NKAIN2: variants seen among roughly 807,000 people sequenced by gnomAD.
NKAIN2 encodes the protein sodium/potassium-transporting ATPase subunit beta-1-interacting protein 2.
In NKAIN2, 14 loss-of-function variants were observed where a neutral mutation model predicts 32.6. That is an observed-to-expected ratio of 0.43 (90% CI 0.28 to 0.67). The LOEUF (loss-of-function observed/expected upper bound fraction) is 0.67. Ranked by LOEUF, NKAIN2 falls within the 30% of genes least tolerant of loss-of-function variation. The pLI is 0.17. For synonymous variants in NKAIN2, 80 were observed against 87.2 expected, an observed-to-expected ratio of 0.92 and a Z score of 0.46; for missense variants, 198 against 258.3, an observed-to-expected ratio of 0.77 and a Z score of 1.60.
At chr6:124,629,725 A>C (rs1337627255) in intron 3 of NKAIN2, among the ~76,000 whole-genome samples, 1 of 152,194 alleles carries the variant, frequency 6.6e-6, no homozygotes, top group East Asian at 1.9e-4. Context: ...GCTTTCCAGA[A>C]GCCCATTTTA....
At chr6:123,834,330 T>G (rs1774519779) in intron 1 of NKAIN2, among the ~76,000 whole-genome samples, 1 of 151,950 alleles carries the variant, frequency 6.6e-6, no homozygotes, top group Non-Finnish European at 1.5e-5. Context: ...AATTTTTGTA[T>G]TTTTAGTAGA....
At chr6:124,600,703 C>G (rs1443982124) in intron 3 of NKAIN2, among the ~76,000 whole-genome samples, 2 of 151,950 alleles carry the variant, frequency 1.3e-5, no homozygotes, top group Non-Finnish European at 2.9e-5. Flanking sequence ...TTATTTGTCA[C>G]AGAAAAATGT....
At chr6:123,864,579 A>G (rs1582674331) in intron 1 of NKAIN2, among the ~76,000 whole-genome samples, 1 of 152,182 alleles carries the variant, frequency 6.6e-6, no homozygotes, top group Non-Finnish European at 1.5e-5. Context: ...TAGAGCGGTC[A>G]AGGAAAGTAT....
At chr6:124,170,930 C>G (rs780726520) in intron 1 of NKAIN2, among the ~76,000 whole-genome samples, 5 of 152,124 alleles carry the variant, frequency 3.3e-5, no homozygotes, top group Non-Finnish European at 7.4e-5. Context: ...CAATTCAAAG[C>G]TTACCTTTTC....
intron 3 of NKAIN2, among the ~76,000 whole-genome samples, chr6:124,446,047 C>G (rs979059334): frequency 5.3e-5 from 8 of 152,106 alleles, no homozygotes; most frequent in Non-Finnish European, 5.9e-5. Context: ...ATTTGCAGAA[C>G]AACGGCAGAA....
chr6:124,525,473 T>C (rs1436384646), intron 3 of NKAIN2, among the ~76,000 whole-genome samples: 3 of 152,160 alleles, frequency 2.0e-5, no homozygotes, highest in Admixed American at 6.5e-5. Flanking sequence ...TATATAACTT[T>C]TAATTTAATG....
At chr6:124,410,897 G>A (rs1286409215) in intron 3 of NKAIN2, among the ~76,000 whole-genome samples, 1 of 152,156 alleles carries the variant, frequency 6.6e-6, no homozygotes, top group South Asian at 2.1e-4. Context: ...ATTTAGGATA[G>A]TTAGTTCTTG....
At chr6:124,396,152 G>T (rs539771559) in intron 3 of NKAIN2, among the ~76,000 whole-genome samples, 77 of 152,118 alleles carry the variant, frequency 5.1e-4, no homozygotes, top group African/African-American at 1.8e-3. Context: ...TTAAACAGAT[G>T]AGGTTAAAAA....
At chr6:124,693,028 T>C (rs1774334559) in intron 4 of NKAIN2, among the ~76,000 whole-genome samples, 1 of 152,160 alleles carries the variant, frequency 6.6e-6, no homozygotes. Flanking sequence ...ATCTGGCCAG[T>C]ATTTACACTG....
intron 3 of NKAIN2, among the ~76,000 whole-genome samples, chr6:124,409,542 G>T (rs980125283): frequency 1.7e-4 from 26 of 152,184 alleles, no homozygotes; most frequent in African/African-American, 6.0e-4. Context: ...CAGGGATGAA[G>T]CCCACTTGAT....
At chr6:124,271,300 T>C (rs1019228150) in intron 1 of NKAIN2, among the ~76,000 whole-genome samples, 1 of 152,078 alleles carries the variant, frequency 6.6e-6, no homozygotes, top group Non-Finnish European at 1.5e-5. Context: ...CACTGCAAGC[T>C]CCACCTCCCG....
intron 3 of NKAIN2, among the ~76,000 whole-genome samples, chr6:124,562,904 CT>C (rs34572745): frequency 1.7e-3 from 226 of 131,150 alleles, no homozygotes; most frequent in Middle Eastern, 0.016. Flanking sequence ...TTTTTTGTTT[CT>C]TTTTTTTTTT....
chr6:124,013,321 T>G (rs1490205862), intron 1 of NKAIN2, among the ~76,000 whole-genome samples: 1 of 152,208 alleles, frequency 6.6e-6, no homozygotes, highest in African/African-American at 2.4e-5. Flanking sequence ...GAAGTAAATT[T>G]TATCAATCTT....
chr6:124,208,870 A>C, intron 1 of NKAIN2, among the ~76,000 whole-genome samples: 1 of 151,682 alleles, frequency 6.6e-6, no homozygotes, highest in Non-Finnish European at 1.5e-5. Flanking sequence ...TATGGGGTAT[A>C]TATGATATTT....
intron 4 of NKAIN2, among the ~76,000 whole-genome samples, chr6:124,669,543 T>C (rs1772985207): frequency 6.6e-6 from 1 of 151,960 alleles, no homozygotes; most frequent in African/African-American, 2.4e-5. Context: ...CATGTGGATA[T>C]TTGCGGAAGG....
intron 3 of NKAIN2, among the ~76,000 whole-genome samples, chr6:124,535,238 G>A (rs1382939231): frequency 2.0e-5 from 3 of 152,192 alleles, no homozygotes; most frequent in Non-Finnish European, 4.4e-5. Context: ...TTAAGGCAAG[G>A]ATCATATTCA....
intron 3 of NKAIN2, among the ~76,000 whole-genome samples, chr6:124,642,122 T>C (rs1285139419): frequency 6.6e-6 from 1 of 152,162 alleles, no homozygotes; most frequent in Non-Finnish European, 1.5e-5. Flanking sequence ...CTTCATAATA[T>C]AGTGGAATGA....
chr6:124,144,564 G>T (rs1488965674), intron 1 of NKAIN2, among the ~76,000 whole-genome samples: 1 of 151,912 alleles, frequency 6.6e-6, no homozygotes, highest in Non-Finnish European at 1.5e-5. Flanking sequence ...AAATGGTGCT[G>T]GAACATCCAC....
In NKAIN2 at chr6:123,941,275, AT is replaced by A. The variant is rs539192739; in HGVS notation, c.54+137031del. Among the ~76,000 whole-genome samples the A allele has an allele frequency of 1.2e-3, 183 of 149,294 alleles. No homozygotes were observed. In the East Asian group the frequency reaches 0.015, roughly 12 times the overall value. ...TGCTTGATGCTGTTTTATACTTAAT[AT>A]TTTTTTTTTATTAGTGGAAGGGGTA... On this transcript the variant is annotated intron_variant, in intron 1 of 6. Coordinates refer to ENST00000368417, the MANE Select transcript of NKAIN2 (RefSeq NM_001040214.3).
Sources: gnomAD v4.1 joint callset for allele counts (sites outside exome capture counted in the v4.1 genomes callset) on GRCh38, gnomAD v4.1.1 for gene constraint, MANE v1.5 for transcripts, NCBI Gene and HGNC (gene_info 2026-07-23, HGNC 2026-07-21) for gene names.